Variants in ZDHHC15 observed in about 807,000 individuals in gnomAD.
ZDHHC15 encodes the protein palmitoyltransferase ZDHHC15.
ZDHHC15 carries 19 observed loss-of-function variants against 31.7 expected under a neutral mutation model. That is an observed-to-expected ratio of 0.60 (90% CI 0.42 to 0.88). The LOEUF (loss-of-function observed/expected upper bound fraction) is 0.88, where lower values mean the gene tolerates loss of function less well. Among genes scored for constraint, ZDHHC15 ranks in the 40% least tolerant of loss-of-function variants. The pLI, the probability that ZDHHC15 is intolerant of heterozygous loss-of-function variation, is 0.00. For synonymous variants in ZDHHC15, 103 were observed against 90.0 expected, an observed-to-expected ratio of 1.14 and a Z score of -0.82; for missense variants, 209 against 251.2, an observed-to-expected ratio of 0.83 and a Z score of 1.14.
At chrX:75,508,187 G>C (rs190473907) in intron 1 of ZDHHC15, among the ~76,000 whole-genome samples, 2 of 109,742 alleles carry the variant, frequency 1.8e-5, no homozygotes, top group Non-Finnish European at 3.8e-5. Flanking sequence ...GGGTACATGT[G>C]CACAACATGC....
At chrX:75,445,006 T>C (rs2084013588) in intron 4 of ZDHHC15, among the ~76,000 whole-genome samples, 1 of 109,525 alleles carries the variant, frequency 9.1e-6, no homozygotes, top group South Asian at 4.0e-4. Context: ...TTGTTTCTCC[T>C]AGTGCTTATA....
intron 8 of ZDHHC15, among the ~76,000 whole-genome samples, chrX:75,423,945 T>G (rs890431084): frequency 9.9e-5 from 11 of 111,425 alleles, no homozygotes; most frequent in African/African-American, 3.6e-4. Context: ...TCACTCCTCA[T>G]GTACTGATTT....
chrX:75,410,129 A>G (rs1189306399), intron 10 of ZDHHC15, among the ~76,000 whole-genome samples: 1 of 111,821 alleles, frequency 8.9e-6, no homozygotes, highest in Non-Finnish European at 1.9e-5. Flanking sequence ...GAAATTATGA[A>G]TTGACTAGAA....
At chrX:75,440,700 C>CT (rs774290985) in intron 4 of ZDHHC15, among the ~76,000 whole-genome samples, 29 of 111,865 alleles carry the variant, frequency 2.6e-4, no homozygotes, top group Middle Eastern at 4.6e-3. Flanking sequence ...CTAGGGTCAC[C>CT]TGGATAAGTA....
chrX:75,443,200 T>C (rs766025137), intron 4 of ZDHHC15, among the ~76,000 whole-genome samples: 1 of 110,122 alleles, frequency 9.1e-6, no homozygotes, highest in Non-Finnish European at 1.9e-5. Context: ...TCATGCTACC[T>C]GACTTCAAAC....
At chrX:75,380,968 A>G (rs746276754) in intron 10 of ZDHHC15, among the ~76,000 whole-genome samples, 23 of 111,487 alleles carry the variant, frequency 2.1e-4, no homozygotes, top group Non-Finnish European at 3.4e-4. Context: ...TTGGCAGTAT[A>G]GGTACACTTC....
At chrX:75,472,228 T>C (rs914172821) in intron 3 of ZDHHC15, among the ~76,000 whole-genome samples, 16 of 111,432 alleles carry the variant, frequency 1.4e-4, no homozygotes, top group East Asian at 5.7e-4. Flanking sequence ...CTATGATCAA[T>C]TGACAGAGGA....
At chrX:75,485,863 TA>T (rs2084769541) in intron 2 of ZDHHC15, among the ~76,000 whole-genome samples, 1 of 112,092 alleles carries the variant, frequency 8.9e-6, no homozygotes, top group Non-Finnish European at 1.9e-5. Flanking sequence ...AGTACTTTCA[TA>T]ATCAAGAAAA....
intron 2 of ZDHHC15, among the ~76,000 whole-genome samples, chrX:75,490,394 A>T (rs2084862942): frequency 8.9e-6 from 1 of 112,080 alleles, no homozygotes; most frequent in Non-Finnish European, 1.9e-5. Flanking sequence ...ATGATCTCTC[A>T]GCAGAAATTC....
At chrX:75,376,984 G>T (rs2083066753) in intron 11 of ZDHHC15, among the ~76,000 whole-genome samples, 1 of 110,791 alleles carries the variant, frequency 9.0e-6, no homozygotes, top group Non-Finnish European at 1.9e-5. Context: ...AACTTCAAAA[G>T]AAAATGAAGG....
intron 2 of ZDHHC15, among the ~76,000 whole-genome samples, chrX:75,503,702 G>A: frequency 9.0e-6 from 1 of 111,435 alleles, no homozygotes; most frequent in South Asian, 3.8e-4. Context: ...CAGTGCATTA[G>A]AGAGTGAAAT....
At chrX:75,401,703 A>T (rs1325012127) in intron 10 of ZDHHC15, among the ~76,000 whole-genome samples, 1 of 112,264 alleles carries the variant, frequency 8.9e-6, no homozygotes, top group Non-Finnish European at 1.9e-5. Context: ...TATCCTAAAT[A>T]TATATGTACC....
At chrX:75,486,611 C>T (rs1042710503) in intron 2 of ZDHHC15, among the ~76,000 whole-genome samples, 1 of 112,045 alleles carries the variant, frequency 8.9e-6, no homozygotes, top group African/African-American at 3.2e-5. Context: ...CCCTGCTCAC[C>T]AGCTGCCTGG....
At chrX:75,384,614 A>G in intron 10 of ZDHHC15, 1 of 828,795 alleles carries the variant, frequency 1.2e-6, no homozygotes, top group South Asian at 2.1e-5. Context: ...AAGAGAATTA[A>G]TGTGCGTATT....
intron 3 of ZDHHC15, among the ~76,000 whole-genome samples, chrX:75,475,541 T>C (rs1602691811): frequency 8.9e-6 from 1 of 112,270 alleles, no homozygotes; most frequent in East Asian, 2.8e-4. Context: ...ATGCAAGTGT[T>C]TGTTGTTGGG....
At chrX:75,506,253 G>A (rs771808735) in intron 1 of ZDHHC15, among the ~76,000 whole-genome samples, 8 of 111,270 alleles carry the variant, frequency 7.2e-5, no homozygotes, top group Non-Finnish European at 1.1e-4. Flanking sequence ...GTGCAGGTTC[G>A]TTACATATGT....
chrX:75,374,604 G>C (rs1021056158), intron 11 of ZDHHC15, among the ~76,000 whole-genome samples: 2 of 109,022 alleles, frequency 1.8e-5, no homozygotes, highest in Non-Finnish European at 3.8e-5. Context: ...ATGTGTATGA[G>C]CAAAAAACTA....
At chrX:75,451,741 GGTGCAGAA>G (rs896288514) in intron 3 of ZDHHC15, among the ~76,000 whole-genome samples, 5 of 111,238 alleles carry the variant, frequency 4.5e-5, no homozygotes, top group African/African-American at 1.6e-4. Flanking sequence ...TCATAATATT[GGTGCAGAA>G]GTGCCAGATA....
At chrX:75,407,198 G>A (rs1187591974) in intron 10 of ZDHHC15, among the ~76,000 whole-genome samples, 1 of 111,520 alleles carries the variant, frequency 9.0e-6, no homozygotes, top group Non-Finnish European at 1.9e-5. Context: ...TCTGGGAACT[G>A]AGGAGTGTCT....
Sources: allele counts gnomAD v4.1 joint callset (sites outside exome capture counted in the v4.1 genomes callset), GRCh38; gene constraint gnomAD v4.1.1; transcripts MANE v1.5; gene names NCBI Gene and HGNC (gene_info 2026-07-23, HGNC 2026-07-21).